The following GALNT13 variants were observed in gnomAD, a reference collection of about 807,000 sequenced individuals.
GALNT13 encodes polypeptide N-acetylgalactosaminyltransferase 13.
In GALNT13, 28 loss-of-function variants were observed where a neutral mutation model predicts 64.2. That is an observed-to-expected ratio of 0.44 (90% CI 0.32 to 0.60). The LOEUF (loss-of-function observed/expected upper bound fraction) is 0.60. GALNT13 is among the 20% of genes least tolerant of loss of function. GALNT13 has a pLI of 0.05. For synonymous variants in GALNT13, 214 were observed against 224.6 expected (o/e 0.95, Z 0.42); for missense variants, 577 against 669.8 (o/e 0.86, Z 1.53).
chr2:153,803,805 C>A, the GALNT13 span, among the ~76,000 whole-genome samples: 1 of 151,956 alleles, frequency 6.6e-6, no homozygotes, highest in East Asian at 1.9e-4. Context: ...ATGGGGGCCA[C>A]CTGCAAGCCA....
the GALNT13 span, among the ~76,000 whole-genome samples, chr2:153,143,769 A>C: frequency 3.3e-5 from 5 of 152,052 alleles, no homozygotes; most frequent in Admixed American, 6.6e-5. Context: ...AGATTACTTT[A>C]AAAAACGGAG....
At chr2:153,513,268 ACTTT>A in the GALNT13 span, among the ~76,000 whole-genome samples, 1 of 152,134 alleles carries the variant, frequency 6.6e-6, no homozygotes, top group Non-Finnish European at 1.5e-5. Flanking sequence ...TTATTTAATT[ACTTT>A]CATAGATTCA....
chr2:154,287,639 G>A (rs1003980353), intron 8 of GALNT13, among the ~76,000 whole-genome samples: 1 of 151,732 alleles, frequency 6.6e-6, no homozygotes, highest in East Asian at 2.0e-4. Flanking sequence ...CCTGTTTGGT[G>A]TTTTCTAATA....
intron 11 of GALNT13, among the ~76,000 whole-genome samples, chr2:154,413,736 C>T (rs1699890627): frequency 6.6e-6 from 1 of 152,010 alleles, no homozygotes; most frequent in African/African-American, 2.4e-5. Flanking sequence ...AAGACACACT[C>T]ACTGTTGAAA....
At chr2:153,689,033 T>TTTAGC in the GALNT13 span, among the ~76,000 whole-genome samples, 1 of 130,336 alleles carries the variant, frequency 7.7e-6, no homozygotes, top group African/African-American at 3.0e-5. Flanking sequence ...TGTGTGTGTG[T>TTTAGC]GTTCAGCATT....
intron 9 of GALNT13, among the ~76,000 whole-genome samples, chr2:154,375,644 CCATTCT>C (rs1455463013): frequency 6.6e-6 from 1 of 152,058 alleles, no homozygotes; most frequent in Non-Finnish European, 1.5e-5. Flanking sequence ...TTTATTCTTC[CCATTCT>C]CATTCACCTC....
downstream of GALNT13, among the ~76,000 whole-genome samples, chr2:154,454,879 C>T (rs577487718): frequency 6.6e-6 from 1 of 152,202 alleles, no homozygotes; most frequent in Admixed American, 6.6e-5. Context: ...CTTTCATTTT[C>T]CTTCTAATTA....
chr2:154,243,936 G>A (rs1689633928), intron 6 of GALNT13, among the ~76,000 whole-genome samples: 1 of 152,178 alleles, frequency 6.6e-6, no homozygotes, highest in Non-Finnish European at 1.5e-5. Flanking sequence ...ATGAAGCACA[G>A]CAGTTGAAGA....
chr2:154,326,249 T>G (rs1694867625), intron 9 of GALNT13, among the ~76,000 whole-genome samples: 1 of 152,074 alleles, frequency 6.6e-6, no homozygotes, highest in African/African-American at 2.4e-5. Context: ...TGCACAGGTT[T>G]TTCCAACATT....
intron 3 of GALNT13, among the ~76,000 whole-genome samples, chr2:153,958,645 C>T (rs925883856): frequency 6.6e-6 from 1 of 152,124 alleles, no homozygotes; most frequent in Non-Finnish European, 1.5e-5. Flanking sequence ...TTTGGTTAGC[C>T]TAAGTTTAGT....
chr2:153,293,810 T>TGA, the GALNT13 span, among the ~76,000 whole-genome samples: 3 of 151,066 alleles, frequency 2.0e-5, no homozygotes, highest in East Asian at 1.9e-4. Context: ...TGTGTGTGTG[T>TGA]GAGACAGGGT....
chr2:153,918,403 G>T (rs993011740), intron 2 of GALNT13, among the ~76,000 whole-genome samples: 1 of 152,024 alleles, frequency 6.6e-6, no homozygotes, highest in Admixed American at 6.6e-5. Context: ...TCTTAATGTG[G>T]TTTTCTAGAG....
chr2:153,195,246 G>A, the GALNT13 span, among the ~76,000 whole-genome samples: 74 of 152,248 alleles, frequency 4.9e-4, no homozygotes, highest in Non-Finnish European at 8.7e-4. Flanking sequence ...TGTGTCCCAT[G>A]GTGCCTTTGC....
intron 3 of GALNT13, among the ~76,000 whole-genome samples, chr2:153,971,169 A>T (rs1214745401): frequency 6.6e-6 from 1 of 152,060 alleles, no homozygotes; most frequent in Non-Finnish European, 1.5e-5. Flanking sequence ...TTCATGTCTT[A>T]ATTTTCTACC....
chr2:153,239,857 T>A, the GALNT13 span, among the ~76,000 whole-genome samples: 3 of 152,164 alleles, frequency 2.0e-5, no homozygotes, highest in South Asian at 6.2e-4. Context: ...TTTGGAAGTA[T>A]TGCCTCTATT....
chr2:153,434,380 T>C, the GALNT13 span, among the ~76,000 whole-genome samples: 1 of 152,178 alleles, frequency 6.6e-6, no homozygotes, highest in African/African-American at 2.4e-5. Flanking sequence ...GTCTTTCTAG[T>C]TGTAGATCCC....
At chr2:153,691,086 A>G in the GALNT13 span, among the ~76,000 whole-genome samples, 11 of 152,122 alleles carry the variant, frequency 7.2e-5, no homozygotes, top group African/African-American at 2.7e-4. Context: ...CTCCTTTGGT[A>G]TATTTACATT....
intron 3 of GALNT13, among the ~76,000 whole-genome samples, chr2:153,963,437 C>G (rs965387753): frequency 6.6e-6 from 1 of 152,030 alleles, no homozygotes; most frequent in African/African-American, 2.4e-5. Context: ...GGGAAAATAC[C>G]AAAGGATGGA....
chr2:153,193,343 A>T, the GALNT13 span, among the ~76,000 whole-genome samples: 19 of 149,934 alleles, frequency 1.3e-4, no homozygotes, highest in African/African-American at 2.0e-4. Context: ...AACTATCGCA[A>T]GAACAAAAAA....
Sources: gnomAD v4.1 joint callset for allele counts (sites outside exome capture counted in the v4.1 genomes callset) on GRCh38, gnomAD v4.1.1 for gene constraint, MANE v1.5 for transcripts, NCBI Gene and HGNC (gene_info 2026-07-23, HGNC 2026-07-21) for gene names.